ACLY: variants seen among roughly 807,000 people sequenced by gnomAD.
ACLY encodes ATP citrate lyase, also known as ATP-citrate synthase.
In ACLY, 41 loss-of-function variants were observed where a neutral mutation model predicts 133.0. The ratio of observed to expected loss-of-function variants is 0.31; its 90% CI spans 0.24 to 0.40. The LOEUF is 0.40. Among genes scored for constraint, ACLY ranks in the 10% least tolerant of loss-of-function variants. The probability of loss-of-function intolerance (pLI) is 1.00; values close to 1 mark genes in which losing one functional copy is unlikely to be tolerated. For synonymous variants in ACLY, 495 were observed against 549.3 expected, an observed-to-expected ratio of 0.90 and a Z score of 1.38; for missense variants, 1,046 against 1,453.8, an observed-to-expected ratio of 0.72 and a Z score of 4.56.
chr17:41,878,396 A>G (rs1039960971), intron 21 of ACLY, among the ~76,000 whole-genome samples, 200 bp from the exon 22 acceptor site: 9 of 152,118 alleles, frequency 5.9e-5, no homozygotes, highest in Admixed American at 4.6e-4. Flanking sequence ...TCATGTCCCA[A>G]TCTCTGGATG....
chr17:41,924,341 G>T (rs2050217045), intron 1 of ACLY, among the ~76,000 whole-genome samples: 1 of 150,428 alleles, frequency 6.6e-6, no homozygotes, highest in Non-Finnish European at 1.5e-5. Context: ...TAGAGATGGG[G>T]TTTCACCATG....
At chr17:41,886,735 C>T (rs2049056212) in intron 17 of ACLY, among the ~76,000 whole-genome samples, 1 of 151,976 alleles carries the variant, frequency 6.6e-6, no homozygotes. Context: ...TTCGGGGCTG[C>T]TGAAGTGTGT....
intron 6 of ACLY, 131 bp downstream of exon 6, chr17:41,908,858 C>CCCCTCTGCTTGTGCACATCTGTCTT: frequency 2.7e-6 from 2 of 733,300 alleles, no homozygotes; most frequent in Non-Finnish European, 2.4e-6. Context: ...TGCATGGGGA[C>CCCCTCTGCTTGTGCACATCTGTCTT]CCCTCTGCTT....
intron 22 of ACLY, among the ~76,000 whole-genome samples, chr17:41,875,585 GC>G (rs1567885646): frequency 1.6e-4 from 25 of 152,166 alleles, no homozygotes. Context: ...GCGATTGCAG[GC>G]GCGCGCCGCC....
intron 11 of ACLY, among the ~76,000 whole-genome samples, chr17:41,901,212 G>A (rs1943026738): frequency 6.6e-6 from 1 of 151,254 alleles, no homozygotes; most frequent in Non-Finnish European, 1.5e-5. Context: ...CTCCCACTTC[G>A]ACCTCCCAAA....
Position 41,906,639 on chromosome 17 carries a change from T to C in ACLY, c.755A>G (p.Tyr252Cys). Residue 252 changes from tyrosine to cysteine, a missense_variant, in exon 8 of 29, where the codon TAC becomes TGC. Around this residue, in one of 4 missense-constraint regions of ACLY, gnomAD observed 575 missense variants for 804.2 expected, o/e 0.71. Coordinates refer to ENST00000352035, the MANE Select transcript of ACLY (RefSeq NM_001096.3). ...ACTTTTGGCATCGAGGTCTGCAATG[T>C]AGGCTTCCTGGGGACCAGACAGCAA... is the stretch of plus-strand genomic sequence containing the variant. ...FGREAYPEEA[Y>C]IADLDAKSGA... The C allele has an allele frequency of 6.2e-7, 1 of 1,614,158 alleles. No individual in the cohort carries two copies. Among genetic ancestry groups the C allele is most frequent in the Non-Finnish European group, 8.5e-7 (1 of 1,179,992 alleles).
In ACLY at chr17:41,867,617, A is replaced by T; in HGVS notation, c.*193T>A. On this transcript the variant is annotated 3_prime_UTR_variant, in exon 29 of 29. Coordinates refer to ENST00000352035, the MANE Select transcript of ACLY (RefSeq NM_001096.3). Reference sequence around the variant, plus strand: ...TTTTATTTCTATGCTTATAAAAAAAATATGAAGCTTCTTTGTGTGGACTGA... The same window carrying T: ...TTTTATTTCTATGCTTATAAAAAAATTATGAAGCTTCTTTGTGTGGACTGA... 2 of 403,316 alleles carry T rather than the reference A, an allele frequency of 5.0e-6. No individual in the cohort carries two copies. The highest frequency in any genetic ancestry group is 8.8e-6 in the Non-Finnish European group (2 of 226,268). 25.0% of individuals were successfully genotyped at this position (403,316 alleles called of 1,614,324 possible). A position where few individuals can be genotyped will look rare whatever the true frequency, so the allele number is the denominator to read the frequency against.
In ACLY at chr17:41,909,504, C is replaced by T; in HGVS notation, c.536+6G>A. 6.2e-7 allele frequency: 1 copy of T among 1,613,400 alleles called. No homozygotes were observed. The highest frequency in any genetic ancestry group is 1.1e-5 in the South Asian group (1 of 91,024). On this transcript the variant is annotated splice_donor_region_variant and intron_variant, in intron 5 of 28. Coordinates refer to ENST00000352035, the MANE Select transcript of ACLY (RefSeq NM_001096.3). ...TGCCACCTCCCTACCGTCCCTCTCA[C>T]TCAACTCTTTCTTGTCTTCAGGGGC...
At chr17:41,868,221 G>A (rs1201070900) in intron 28 of ACLY, among the ~76,000 whole-genome samples, 1 of 151,982 alleles carries the variant, frequency 6.6e-6, no homozygotes, top group Non-Finnish European at 1.5e-5. Flanking sequence ...GGCAGATCAC[G>A]AGGTTGGGAG....
At chr17:41,878,699 A>G in intron 21 of ACLY, 98 bp downstream of exon 21, 8 of 1,461,364 alleles carry the variant, frequency 5.5e-6, no homozygotes, top group Non-Finnish European at 6.6e-6. Flanking sequence ...ACCGAGAGGG[A>G]CCAGGAATAC....
Position 41,907,615 on chromosome 17 carries a change from T to C in ACLY, c.617-43A>G, listed in dbSNP as rs1406550991. 1.9e-6 allele frequency: 3 copies of C among 1,602,098 alleles called. No homozygotes were observed. The East Asian group carries it at 6.7e-5, about 36-fold the overall frequency. ...GCAATCATCAGACACCGGCTCTGGG[T>C]AGAGACAACCACCAACCTCCAACCC... is the stretch of plus-strand genomic sequence containing the variant. On this transcript the variant is annotated intron_variant, in intron 6 of 28. Coordinates refer to ENST00000352035, the MANE Select transcript of ACLY (RefSeq NM_001096.3).
chr17:41,873,000 G>A (rs1555625382), intron 23 of ACLY, among the ~76,000 whole-genome samples: 2 of 152,094 alleles, frequency 1.3e-5, no homozygotes, highest in African/African-American at 4.8e-5. Flanking sequence ...CATTGACCTG[G>A]CCTTCTGCCC....
In ACLY at chr17:41,930,187, T is replaced by A. The variant is rs545038023; in HGVS notation, c.-28+171A>T. On this transcript the variant is annotated intron_variant, in intron 1 of 3. Transcript: ENST00000592970. ...AATCCTCGCATCCCTGAGTGTTCCA[T>A]TATTTTCATATTTATTTGGCAGGTG... Among the ~76,000 whole-genome samples, 4 of 152,368 alleles carry A rather than the reference T, an allele frequency of 2.6e-5. No individual in the cohort carries two copies. The South Asian group carries it at 6.2e-4, about 24-fold the overall frequency.
chr17:41,906,436 C>G, intron 8 of ACLY, 92 bp downstream of exon 8: 1 of 1,152,376 alleles, frequency 8.7e-7, no homozygotes, highest in Non-Finnish European at 1.3e-6. Context: ...AATTCCCACA[C>G]CAAAGTGACA....
In ACLY at chr17:41,878,144, C is replaced by G. The variant is rs782671115; in HGVS notation, c.2446G>C (p.Val816Leu). The change falls in exon 22 of 29, where the codon GTG (valine) becomes CTG (leucine). Residue 816 changes from valine (V) to leucine (L), a missense_variant. Physicochemically the swap from Val to Leu is conservative, Grantham distance 32 (BLOSUM62 1). This residue lies in a region of ACLY where 39 missense variants were observed against 30.8 expected (regional missense o/e 1.27). Transcript: ENST00000352035. ...ANGVIVPAQE[V>L]PPPTVPMDYS... ...TCCATGGGCACGGTTGGGGGCGGCACCTCCTGGGCAGGTACAATGACTCCA... is the reference window on the plus strand; with the variant it reads ...TCCATGGGCACGGTTGGGGGCGGCAGCTCCTGGGCAGGTACAATGACTCCA... 9 of 1,594,168 alleles carry G rather than the reference C, an allele frequency of 5.6e-6. No homozygotes were observed. The highest frequency in any genetic ancestry group is 6.8e-6 in the Non-Finnish European group (8 of 1,170,512).
chr17:41,908,851 A>G (rs2049805261), intron 6 of ACLY, 138 bp downstream of exon 6: 4 of 712,576 alleles, frequency 5.6e-6, no homozygotes, highest in Non-Finnish European at 1.0e-5. Flanking sequence ...CTAAACCTGC[A>G]TGGGGACCCC....
chr17:41,868,071 G>A (rs2048507293), intron 28 of ACLY, among the ~76,000 whole-genome samples, 167 bp from the exon 29 acceptor site: 1 of 151,990 alleles, frequency 6.6e-6, no homozygotes, highest in Non-Finnish European at 1.5e-5. Context: ...TTTGTACAAG[G>A]GAGCTGCTGG....
intron 22 of ACLY, among the ~76,000 whole-genome samples, chr17:41,876,638 T>C (rs1290514435): frequency 2.0e-5 from 3 of 152,208 alleles, no homozygotes; most frequent in Non-Finnish European, 4.4e-5. Context: ...CTCTGAAACA[T>C]GTGCTGTGTC....
chr17:41,888,803 ATG>A (rs1173919253), intron 16 of ACLY, among the ~76,000 whole-genome samples: 2 of 152,186 alleles, frequency 1.3e-5, no homozygotes, highest in Non-Finnish European at 2.9e-5. Context: ...ACAGAGCAGT[ATG>A]TGTGTCTCTT....
Sources: allele counts gnomAD v4.1 joint callset (sites outside exome capture counted in the v4.1 genomes callset), GRCh38; gene constraint gnomAD v4.1.1; regional missense constraint gnomAD v4.1.1; transcripts MANE v1.5; gene names NCBI Gene and HGNC (gene_info 2026-07-23, HGNC 2026-07-21).